The following RFTN2 variants were observed in gnomAD, a reference collection of about 807,000 sequenced individuals.
RFTN2 encodes raftlin-2.
Under a neutral mutation model 52.7 loss-of-function variants are expected in RFTN2, and 34 were observed. The observed-to-expected ratio is 0.64, with a 90% CI of 0.49 to 0.86. The LOEUF (loss-of-function observed/expected upper bound fraction) is 0.86, where lower values mean the gene tolerates loss of function less well. RFTN2 is among the 40% of genes least tolerant of loss of function. The pLI, the probability that RFTN2 is intolerant of heterozygous loss-of-function variation, is 0.00. For synonymous variants in RFTN2, 203 were observed against 217.7 expected, an observed-to-expected ratio of 0.93 and a Z score of 0.59; for missense variants, 536 against 600.1, an observed-to-expected ratio of 0.89 and a Z score of 1.12.
chr2:197,571,086 T>C lies in RFTN2; in HGVS notation c.*922A>G, dbSNP rs1032362815. On this transcript the variant is annotated 3_prime_UTR_variant, in exon 9 of 9. Transcript: ENST00000295049. The stretch of plus-strand genomic sequence containing the variant: ...ATACATATCGCGTGTGCTATGAGCA[T>C]CTTTCTACTCCTGCCAGATTGAAAA... 1 of 152,338 alleles carries C rather than the reference T, an allele frequency of 6.6e-6. No individual in the cohort carries two copies. Among genetic ancestry groups the C allele is most frequent in the African/African-American group, 2.4e-5 (1 of 41,458 alleles). The allele number at this position is 152,338 out of a possible 1,614,324, so 9.4% of individuals were successfully genotyped here. A position where few individuals can be genotyped will look rare whatever the true frequency, so the allele number is the denominator to read the frequency against.
intron 1 of RFTN2, among the ~76,000 whole-genome samples, chr2:197,672,652 G>A (rs948761580): frequency 1.5e-4 from 23 of 152,062 alleles, no homozygotes; most frequent in Non-Finnish European, 2.5e-4. Flanking sequence ...ACTCTGTGAC[G>A]TCAGCACCAT....
chr2:197,670,685 T>A (rs1445778767), intron 1 of RFTN2, among the ~76,000 whole-genome samples: 2 of 151,924 alleles, frequency 1.3e-5, no homozygotes, highest in Non-Finnish European at 1.5e-5. Context: ...AAAAAAAAAA[T>A]CTATTTCAAT....
intron 7 of RFTN2, among the ~76,000 whole-genome samples, chr2:197,601,059 T>C (rs1003659508): frequency 2.0e-5 from 3 of 152,158 alleles, no homozygotes; most frequent in African/African-American, 7.2e-5. Flanking sequence ...ACAGGCTGCA[T>C]GAAGGACAGG....
intron 8 of RFTN2, among the ~76,000 whole-genome samples, chr2:197,593,248 A>T (rs1218560864): frequency 6.6e-6 from 1 of 152,160 alleles, no homozygotes; most frequent in East Asian, 1.9e-4. Context: ...ATCTAAAGCT[A>T]AACAAAAAAG....
chr2:197,644,145 A>C lies in RFTN2; in HGVS notation c.438+13T>G. The C allele has an allele frequency of 7.0e-7, 1 of 1,431,972 alleles. No homozygotes were observed. Among genetic ancestry groups the C allele is most frequent in the Non-Finnish European group, 9.9e-7 (1 of 1,014,038 alleles). The allele number at this position is 1,431,972 out of a possible 1,614,324, so 88.7% of individuals were successfully genotyped here. ...TTGTCAATATCCCATGAAAAAGTGC[A>C]TAAATTTAGTACCTTTTCTATCAGT... On this transcript the variant is annotated intron_variant, in intron 3 of 8. Transcript: ENST00000295049.
chr2:197,671,571 G>T (rs2089147743), intron 1 of RFTN2, among the ~76,000 whole-genome samples: 1 of 152,218 alleles, frequency 6.6e-6, no homozygotes, highest in Admixed American at 6.5e-5. Flanking sequence ...TGTCCAGTTT[G>T]ACCGAGTTGA....
At chr2:197,629,668 A>G (rs1203429596) in intron 5 of RFTN2, among the ~76,000 whole-genome samples, 2 of 112,264 alleles carry the variant, frequency 1.8e-5, no homozygotes, top group Non-Finnish European at 3.7e-5. Flanking sequence ...AATATTTTTA[A>G]TTTTTATACA....
rs1458720187 is a variant in RFTN2 at position 197,570,198 on chromosome 2, T to A, written c.*1810A>T. 3 of 152,192 alleles carry A rather than the reference T, an allele frequency of 2.0e-5. No homozygotes were observed. Among genetic ancestry groups the A allele is most frequent in the Admixed American group, 6.5e-5 (1 of 15,276 alleles). The allele number at this position is 152,192 out of a possible 1,614,324, so 9.4% of individuals were successfully genotyped here. A position where few individuals can be genotyped will look rare whatever the true frequency, so the allele number is the denominator to read the frequency against. On this transcript the variant is annotated 3_prime_UTR_variant, in exon 9 of 9. Transcript: ENST00000295049. ...CCAAAAATCCACTAACTCTTGATTA[T>A]GGAACTCAAGTCCATCTAAAAGTCA...
chr2:197,633,707 T>C lies in RFTN2; in HGVS notation c.718+11A>G, dbSNP rs1260416665. 2.5e-6 allele frequency: 4 copies of C among 1,608,898 alleles called. No individual in the cohort carries two copies. The highest frequency in any genetic ancestry group is 3.4e-6 in the Non-Finnish European group (4 of 1,176,664). The stretch of plus-strand genomic sequence containing the variant: ...ATAGTATATTCTCTTTCTACTAATC[T>C]TGTCTATTACCTTCTCCCTTTCTTG... On this transcript the variant is annotated intron_variant, in intron 4 of 8. Transcript: ENST00000295049.
intron 8 of RFTN2, among the ~76,000 whole-genome samples, chr2:197,583,464 TC>T (rs1355055083): frequency 6.6e-6 from 1 of 152,116 alleles, no homozygotes; most frequent in Non-Finnish European, 1.5e-5. Context: ...GCCATTCTAG[TC>T]AAATCACCCC....
chr2:197,571,017 A>G lies in RFTN2; in HGVS notation c.*991T>C, dbSNP rs1218292994. 12 of 152,342 alleles carry G rather than the reference A, an allele frequency of 7.9e-5. No homozygotes were observed. Among genetic ancestry groups the G allele is most frequent in the South Asian group, 2.1e-4 (1 of 4,834 alleles). 9.4% of individuals were successfully genotyped at this position (152,342 alleles called of 1,614,324 possible). A position where few individuals can be genotyped will look rare whatever the true frequency, so the allele number is the denominator to read the frequency against. On this transcript the variant is annotated 3_prime_UTR_variant, in exon 9 of 9. Transcript: ENST00000295049. ...GCTGGGTCAAGGCAAAGCCACCTCTATTAGAAGGGGAAAGAAAAGCAAGAT... is the reference window on the plus strand; with the variant it reads ...GCTGGGTCAAGGCAAAGCCACCTCTGTTAGAAGGGGAAAGAAAAGCAAGAT...
chr2:197,636,131 G>C (rs1366517321), intron 3 of RFTN2, among the ~76,000 whole-genome samples: 1 of 151,840 alleles, frequency 6.6e-6, no homozygotes, highest in Non-Finnish European at 1.5e-5. Context: ...ATGCTGTTTT[G>C]GTTACTGTAG....
intron 7 of RFTN2, among the ~76,000 whole-genome samples, chr2:197,600,985 T>C (rs535137564): frequency 2.0e-5 from 3 of 152,310 alleles, no homozygotes; most frequent in South Asian, 2.1e-4. Flanking sequence ...GATGAGAACA[T>C]TGACTAGTCC....
intron 1 of RFTN2, among the ~76,000 whole-genome samples, chr2:197,661,106 T>A (rs2088970721): frequency 6.6e-6 from 1 of 152,210 alleles, no homozygotes; most frequent in African/African-American, 2.4e-5. Flanking sequence ...GAGATCAACT[T>A]TTTAAGCTCC....
chr2:197,586,133 A>G (rs934893134), intron 8 of RFTN2, among the ~76,000 whole-genome samples: 2 of 152,216 alleles, frequency 1.3e-5, no homozygotes, highest in African/African-American at 4.8e-5. Context: ...ATTATTGCTT[A>G]CGAAGGCACT....
intron 3 of RFTN2, among the ~76,000 whole-genome samples, chr2:197,638,806 C>T (rs1212538324): frequency 3.1e-5 from 4 of 130,756 alleles, no homozygotes; most frequent in South Asian, 2.8e-4. Context: ...TTATTTTGCT[C>T]GTTAGTTGAT....
chr2:197,614,077 ATTAG>A (rs911859165), intron 7 of RFTN2, among the ~76,000 whole-genome samples: 4 of 152,246 alleles, frequency 2.6e-5, no homozygotes, highest in African/African-American at 7.2e-5. Context: ...CTAGCCCTTG[ATTAG>A]TTACTGTATT....
intron 5 of RFTN2, among the ~76,000 whole-genome samples, chr2:197,624,597 CAAAAAAAAAAA>C (rs746144794): frequency 1.7e-5 from 1 of 57,914 alleles, no homozygotes; most frequent in Non-Finnish European, 3.0e-5. Context: ...GACTCTGTCT[CAAAAAAAAAAA>C]AAAAAAAAAA....
rs1362069917 is a variant in RFTN2 at position 197,639,189 on chromosome 2, A to C, written c.438+4969T>G. Among the ~76,000 whole-genome samples, 72 of 136,446 alleles carry C rather than the reference A, an allele frequency of 5.3e-4. 1 individual carries two copies. The South Asian group carries it at 0.013, about 25-fold the overall frequency. The allele number at this position is 136,446 out of a possible 152,430, so 89.5% of individuals were successfully genotyped here. A position where few individuals can be genotyped will look rare whatever the true frequency, so the allele number is the denominator to read the frequency against. ...CCCTTAACATTTTTTCCTTCATTTC[A>C]ACTTTGGTGAATCTGACAATTATGT... On this transcript the variant is annotated intron_variant, in intron 3 of 8. Transcript: ENST00000295049.
Sources: allele counts gnomAD v4.1 joint callset (sites outside exome capture counted in the v4.1 genomes callset), GRCh38; gene constraint gnomAD v4.1.1; transcripts MANE v1.5; gene names NCBI Gene and HGNC (gene_info 2026-07-23, HGNC 2026-07-21).